Variants in RGS6 observed in about 807,000 individuals in gnomAD.
The protein encoded by RGS6 is regulator of G-protein signaling 6.
In RGS6, 30 loss-of-function variants were observed where a neutral mutation model predicts 78.5. The observed-to-expected ratio is 0.38, with a 90% CI of 0.29 to 0.52. The LOEUF (loss-of-function observed/expected upper bound fraction) is 0.52, where lower values mean the gene tolerates loss of function less well. RGS6 is among the 20% of genes least tolerant of loss of function. The pLI is 0.85. For missense variants in RGS6, 495 were observed against 609.7 expected (o/e 0.81, Z 1.98); for synonymous variants, 206 against 206.0 (o/e 1.00, Z 0.00).
At chr14:72,197,838 G>T (rs1276761183) in intron 2 of RGS6, among the ~76,000 whole-genome samples, 12 of 151,894 alleles carry the variant, frequency 7.9e-5, no homozygotes, top group Admixed American at 7.9e-4. Flanking sequence ...GGATCACTGG[G>T]GAATGATGTT....
At chr14:72,400,502 G>C (rs922895245) in intron 3 of RGS6, among the ~76,000 whole-genome samples, 2 of 152,160 alleles carry the variant, frequency 1.3e-5, no homozygotes, top group African/African-American at 2.4e-5. Flanking sequence ...GCACCTTCAA[G>C]GTGCTGAGCC....
At chr14:72,093,051 TG>T (rs1215386789) in intron 2 of RGS6, among the ~76,000 whole-genome samples, 14 of 151,992 alleles carry the variant, frequency 9.2e-5, no homozygotes, top group Non-Finnish European at 1.8e-4. Flanking sequence ...TGTGTGTGTG[TG>T]TGTGTGTGTA....
chr14:71,951,005 C>T (rs1262134432), intron 1 of RGS6, among the ~76,000 whole-genome samples: 2 of 152,068 alleles, frequency 1.3e-5, no homozygotes, highest in African/African-American at 2.4e-5. Context: ...GTGGTGATTC[C>T]TCAAAGACCT....
chr14:71,871,548 T>C, the RGS6 span, among the ~76,000 whole-genome samples: 1 of 152,112 alleles, frequency 6.6e-6, no homozygotes, highest in African/African-American at 2.4e-5. Context: ...GCTGACTCCC[T>C]AAATATTACC....
In RGS6 at chr14:72,536,472, G is replaced by A. The variant is rs75385708; in HGVS notation, c.1368+197G>A. On this transcript the variant is annotated intron_variant, in intron 16 of 17. Transcript: ENST00000553525. ...CCAGCCCCACTGCAAGGTCCAGGAT[G>A]GGGCATCCTACCTCCACATCCCTAC... Among the ~76,000 whole-genome samples, 13,831 of 152,166 alleles carry A rather than the reference G, an allele frequency of 0.091. 723 individuals are homozygous for A. Among genetic ancestry groups the A allele is most frequent in the South Asian group, 0.13 (651 of 4,828 alleles).
chr14:72,099,365 T>C (rs1052036925), intron 2 of RGS6, among the ~76,000 whole-genome samples: 9 of 152,222 alleles, frequency 5.9e-5, no homozygotes, highest in African/African-American at 1.9e-4. Context: ...TTCACCGTGT[T>C]AGCCAGGATG....
At chr14:72,122,410 G>A (rs2096072845) in intron 2 of RGS6, among the ~76,000 whole-genome samples, 1 of 152,110 alleles carries the variant, frequency 6.6e-6, no homozygotes, top group African/African-American at 2.4e-5. Flanking sequence ...GTTTGTGGGG[G>A]TAGAAAATGA....
At chr14:72,500,156 C>A (rs1331932480) in intron 13 of RGS6, among the ~76,000 whole-genome samples, 1 of 152,226 alleles carries the variant, frequency 6.6e-6, no homozygotes, top group African/African-American at 2.4e-5. Flanking sequence ...CTATTCAGCA[C>A]TTTTTCCCCA....
At chr14:72,121,627 G>A (rs2096055614) in intron 2 of RGS6, among the ~76,000 whole-genome samples, 1 of 152,164 alleles carries the variant, frequency 6.6e-6, no homozygotes, top group Non-Finnish European at 1.5e-5. Context: ...TCTCATGGAA[G>A]CATTGGACAG....
At chr14:71,930,215 A>C (rs1280778227), upstream of RGS6, among the ~76,000 whole-genome samples, 1 of 152,132 alleles carries the variant, frequency 6.6e-6, no homozygotes, top group African/African-American at 2.4e-5. Context: ...TTACACCTTC[A>C]TCTCCAACTT....
At chr14:72,490,118 C>G (rs1010175730) in intron 12 of RGS6, among the ~76,000 whole-genome samples, 5 of 152,118 alleles carry the variant, frequency 3.3e-5, no homozygotes, top group African/African-American at 1.2e-4. Context: ...GTCTTGAATT[C>G]CCATGTGTTG....
At chr14:72,129,548 T>C (rs957786284) in intron 2 of RGS6, among the ~76,000 whole-genome samples, 1 of 152,200 alleles carries the variant, frequency 6.6e-6, no homozygotes, top group Non-Finnish European at 1.5e-5. Context: ...AGGCTTCCAC[T>C]GGACAGTTCT....
chr14:72,212,030 CT>C (rs1273360747), intron 2 of RGS6, among the ~76,000 whole-genome samples: 1 of 152,180 alleles, frequency 6.6e-6, no homozygotes, highest in Non-Finnish European at 1.5e-5. Context: ...ATATTGAAAG[CT>C]GTCACCAAAG....
At chr14:72,095,040 G>A (rs1228663598) in intron 2 of RGS6, among the ~76,000 whole-genome samples, 1 of 152,000 alleles carries the variant, frequency 6.6e-6, no homozygotes, top group African/African-American at 2.4e-5. Flanking sequence ...TTGGTACGAG[G>A]CTATTTAAAT....
upstream of RGS6, among the ~76,000 whole-genome samples, chr14:71,927,709 G>C (rs1047077051): frequency 2.3e-4 from 34 of 150,682 alleles, no homozygotes; most frequent in Middle Eastern, 3.4e-3. Context: ...CCAGGCTGGA[G>C]TGCAGTGGCG....
chr14:72,308,437 C>T (rs1735768647), intron 2 of RGS6, among the ~76,000 whole-genome samples: 1 of 152,144 alleles, frequency 6.6e-6, no homozygotes, highest in Non-Finnish European at 1.5e-5. Context: ...TACTGTCCTA[C>T]TTTTTATCTT....
intron 17 of RGS6, chr14:72,547,410 C>A: frequency 1.6e-6 from 2 of 1,259,860 alleles, no homozygotes; most frequent in Non-Finnish European, 2.2e-6. Flanking sequence ...CCAAAATGAG[C>A]TCCTGGTGGA....
intron 2 of RGS6, among the ~76,000 whole-genome samples, chr14:72,097,190 C>T (rs2095426396): frequency 6.6e-6 from 1 of 152,062 alleles, no homozygotes; most frequent in African/African-American, 2.4e-5. Context: ...TAGTTACAAA[C>T]AAAAAACAAA....
chr14:72,629,540 C>T, the RGS6 span: 1 of 1,324,214 alleles, frequency 7.6e-7, no homozygotes, highest in African/African-American at 1.5e-5. Context: ...GGCCTAGTGA[C>T]AAGAGTCCTT....
Sources: gnomAD v4.1 joint callset for allele counts (sites outside exome capture counted in the v4.1 genomes callset) on GRCh38, gnomAD v4.1.1 for gene constraint, MANE v1.5 for transcripts, NCBI Gene and HGNC (gene_info 2026-07-23, HGNC 2026-07-21) for gene names.